The following DCBLD1 variants were observed in gnomAD, a reference collection of about 807,000 sequenced individuals.
The protein encoded by DCBLD1 is discoidin, CUB and LCCL domain containing 1.
DCBLD1 carries 57 observed loss-of-function variants against 71.5 expected under a neutral mutation model. The ratio of observed to expected loss-of-function variants is 0.80; its 90% CI spans 0.64 to 0.99. The LOEUF (loss-of-function observed/expected upper bound fraction) is 0.99, where lower values mean the gene tolerates loss of function less well. Among genes scored for constraint, DCBLD1 ranks in the 50% least tolerant of loss-of-function variants. The probability of loss-of-function intolerance (pLI) is 0.00; values close to 1 mark genes in which losing one functional copy is unlikely to be tolerated. For missense variants in DCBLD1, 891 were observed against 923.5 expected, an observed-to-expected ratio of 0.96 and a Z score of 0.46; for synonymous variants, 380 against 363.8, an observed-to-expected ratio of 1.04 and a Z score of -0.51.
chr6:117,518,470 G>C (rs1309464468), intron 2 of DCBLD1, among the ~76,000 whole-genome samples: 1 of 152,046 alleles, frequency 6.6e-6, no homozygotes, highest in Non-Finnish European at 1.5e-5. Context: ...CACATCTTCG[G>C]GTATCTTTTC....
chr6:117,544,455 CTTATG>C, intron 12 of DCBLD1, 68 bp from the exon 13 acceptor site: 12 of 1,511,200 alleles, frequency 7.9e-6, no homozygotes, highest in South Asian at 1.2e-5. Context: ...TATTATGATC[CTTATG>C]TTATATAGGG....
Position 117,548,751 on chromosome 6 carries a change from CAG to C in DCBLD1, c.*315_*316del, listed in dbSNP as rs1779363998. ...TTTGGTGTTAAAGGTGTAATGTGTA[CAG>C]AGTTGTATTTAACAATAATAAAAGT... On this transcript the variant is annotated 3_prime_UTR_variant, in exon 15 of 15. Coordinates refer to ENST00000338728, the MANE Select transcript of DCBLD1 (RefSeq NM_001366458.2). 8.0e-6 allele frequency: 10 copies of C among 1,250,332 alleles called. No homozygotes were observed. In the Admixed American group the frequency reaches 4.0e-4, roughly 50 times the overall value. 77.5% of individuals were successfully genotyped at this position (1,250,332 alleles called of 1,614,324 possible). A position where few individuals can be genotyped will look rare whatever the true frequency, so the allele number is the denominator to read the frequency against.
chr6:117,548,040 G>A lies in DCBLD1; in HGVS notation c.1749G>A (p.Arg583=), dbSNP rs1421894725. ...GCGGCCACTATGACTGCCCGCAGCGGGCCGGCCGCCACGAGTACGCGCTGC... is the reference window on the plus strand; with the variant it reads ...GCGGCCACTATGACTGCCCGCAGCGAGCCGGCCGCCACGAGTACGCGCTGC... ...DAGGHYDCPQ[R]AGRHEYALPL... Residue 583 remains arginine (R), a synonymous_variant, in exon 15 of 15, where the codon CGG becomes CGA. Coordinates refer to ENST00000338728, the MANE Select transcript of DCBLD1 (RefSeq NM_001366458.2). 1.3e-6 allele frequency: 2 copies of A among 1,549,286 alleles called. No homozygotes were observed. Among genetic ancestry groups the A allele is most frequent in the Middle Eastern group, 3.3e-4 (2 of 6,006 alleles).
At chr6:117,489,235 T>C (rs1424185389) in intron 1 of DCBLD1, among the ~76,000 whole-genome samples, 1 of 152,144 alleles carries the variant, frequency 6.6e-6, no homozygotes, top group Non-Finnish European at 1.5e-5. Context: ...GTGCATCACA[T>C]AGTGAGAGAC....
At chr6:117,566,565 T>C (rs1044304827) in intron 14 of DCBLD1, among the ~76,000 whole-genome samples, 2 of 152,184 alleles carry the variant, frequency 1.3e-5, no homozygotes, top group African/African-American at 4.8e-5. Context: ...AAATAGTATA[T>C]TGGTCTTTGT....
intron 14 of DCBLD1, among the ~76,000 whole-genome samples, chr6:117,564,651 G>C (rs983570633): frequency 6.6e-6 from 1 of 151,868 alleles, no homozygotes; most frequent in Non-Finnish European, 1.5e-5. Flanking sequence ...ATTTTTAGTT[G>C]AGTCACATTT....
At chr6:117,529,928 A>G (rs1778660309) in intron 5 of DCBLD1, among the ~76,000 whole-genome samples, 1 of 152,212 alleles carries the variant, frequency 6.6e-6, no homozygotes, top group Non-Finnish European at 1.5e-5. Context: ...AGAAACGAGA[A>G]TATTTGTTGG....
chr6:117,517,434 G>A (rs188614088), intron 2 of DCBLD1, among the ~76,000 whole-genome samples: 33 of 152,282 alleles, frequency 2.2e-4, no homozygotes, highest in African/African-American at 6.5e-4. Context: ...AGTGTCTGTC[G>A]CTTTTTCAGG....
chr6:117,533,453 C>T (rs971529548), intron 6 of DCBLD1, among the ~76,000 whole-genome samples: 1 of 152,088 alleles, frequency 6.6e-6, no homozygotes, highest in South Asian at 2.1e-4. Flanking sequence ...TCAAGTTAGT[C>T]GGCATAGATA....
chr6:117,535,477 A>G (rs187359887), intron 6 of DCBLD1, among the ~76,000 whole-genome samples: 1 of 152,278 alleles, frequency 6.6e-6, no homozygotes, highest in Admixed American at 6.5e-5. Context: ...TTAAAAGAGT[A>G]GGCTTATTAA....
chr6:117,567,663 A>G (rs980653419), intron 14 of DCBLD1, among the ~76,000 whole-genome samples: 4 of 152,044 alleles, frequency 2.6e-5, no homozygotes, highest in Non-Finnish European at 4.4e-5. Context: ...CTATATTTAT[A>G]TATTTACTAT....
rs922982807 is a variant in DCBLD1, at chr6:117,545,592, T to C, written c.1610T>C (p.Met537Thr). ...TQKLDLITSD[M>T]ADYQQPLMIG... ...AAGTTAGATCTCATCACAAGTGATA[T>C]GGCAGGTAAGTGTCATATTTCTAGG... is the stretch of plus-strand genomic sequence containing the variant. The change falls in exon 14 of 15, where the codon ATG (methionine) becomes ACG (threonine). Residue 537 changes from methionine (M) to threonine (T), a missense_variant. By Grantham distance (81) the Met-to-Thr change is moderately conservative. Coordinates refer to ENST00000338728, the MANE Select transcript of DCBLD1 (RefSeq NM_001366458.2). The C allele has an allele frequency of 6.2e-7, 1 of 1,613,724 alleles. No individual in the cohort carries two copies. The highest frequency in any genetic ancestry group is 8.5e-7 in the Non-Finnish European group (1 of 1,179,862).
At chr6:117,522,309 A>G (rs1214278747) in intron 4 of DCBLD1, among the ~76,000 whole-genome samples, 2 of 152,178 alleles carry the variant, frequency 1.3e-5, no homozygotes, top group African/African-American at 2.4e-5. Context: ...TCTATGTCCT[A>G]GATGTCAGTT....
intron 14 of DCBLD1, chr6:117,562,644 GA>G: frequency 4.9e-6 from 1 of 204,540 alleles, no homozygotes; most frequent in East Asian, 7.6e-5. Context: ...ACTGCTTAAA[GA>G]AAACTATTTT....
At chr6:117,560,664 T>G (rs1374085579) in intron 14 of DCBLD1, 1 of 196,462 alleles carries the variant, frequency 5.1e-6, no homozygotes, top group Non-Finnish European at 1.1e-5. Context: ...TTAACAATAG[T>G]CTCACCACCA....
intron 3 of DCBLD1, among the ~76,000 whole-genome samples, chr6:117,521,245 A>G (rs546999463): frequency 6.6e-6 from 1 of 152,348 alleles, no homozygotes; most frequent in Non-Finnish European, 1.5e-5. Context: ...GATAGCAACT[A>G]AAGAGTATTG....
intron 1 of DCBLD1, among the ~76,000 whole-genome samples, chr6:117,496,088 G>C (rs1454495000): frequency 6.6e-6 from 1 of 152,032 alleles, no homozygotes; most frequent in Admixed American, 6.5e-5. Flanking sequence ...ACTTTCAAAT[G>C]TTTCATCTGC....
chr6:117,569,645 G>C (rs1779766993), exon 15 of DCBLD1: 1 of 1,613,146 alleles, frequency 6.2e-7, no homozygotes, highest in Non-Finnish European at 8.5e-7. Context: ...TGCCAAAATA[G>C]CATCCCCAAC....
At chr6:117,559,455 T>C (rs1293934717) in intron 14 of DCBLD1, among the ~76,000 whole-genome samples, 1 of 152,168 alleles carries the variant, frequency 6.6e-6, no homozygotes, top group South Asian at 2.1e-4. Flanking sequence ...TCATATAATA[T>C]CCCTGTCATA....
Sources: gnomAD v4.1 joint callset for allele counts (sites outside exome capture counted in the v4.1 genomes callset) on GRCh38, gnomAD v4.1.1 for gene constraint, MANE v1.5 for transcripts, NCBI Gene and HGNC (gene_info 2026-07-23, HGNC 2026-07-21) for gene names.